Variants in DNAH5 observed in about 807,000 individuals in gnomAD.
The protein encoded by DNAH5 is dynein axonemal heavy chain 5.
DNAH5 carries 372 observed loss-of-function variants against 518.2 expected under a neutral mutation model. That is an observed-to-expected ratio of 0.72 (90% confidence interval 0.66 to 0.78). The LOEUF is 0.78. DNAH5 is among the 30% of genes least tolerant of loss of function. The pLI is 0.00. For synonymous variants in DNAH5, 2,039 were observed against 2,025.9 expected (o/e 1.01, Z -0.17); for missense variants, 5,523 against 5,687.0 (o/e 0.97, Z 0.93).
intron 31 of DNAH5, among the ~76,000 whole-genome samples, chr5:13,845,800 T>A (rs1765909157): frequency 6.6e-6 from 1 of 151,588 alleles, no homozygotes; most frequent in South Asian, 2.1e-4. Flanking sequence ...CCCTTATCAT[T>A]TGTATTAGTA....
intron 1 of DNAH5, among the ~76,000 whole-genome samples, chr5:13,965,378 G>A (rs111267394): frequency 0.014 from 2,071 of 152,100 alleles, 43 homozygotes; most frequent in African/African-American, 0.048. Context: ...TTATTTACAT[G>A]TCATAATGCA....
At chr5:13,931,018 T>C (rs1778360842) in intron 2 of DNAH5, 92 bp downstream of exon 2, 2 of 1,598,722 alleles carry the variant, frequency 1.3e-6, no homozygotes, top group South Asian at 1.1e-5. Flanking sequence ...CACCTCCCTC[T>C]GGGCACAGCA....
chr5:13,858,846 G>A (rs2591559), intron 30 of DNAH5, among the ~76,000 whole-genome samples: 9,339 of 152,082 alleles, frequency 0.061, 291 homozygotes, highest in African/African-American at 0.078. Context: ...TCTTGCATAC[G>A]ACTTAAGGTA....
At chr5:13,899,487 A>C (rs1335194264) in intron 15 of DNAH5, 1 of 152,332 alleles carries the variant, frequency 6.6e-6, no homozygotes, top group Non-Finnish European at 1.5e-5. Flanking sequence ...TGAACTCCAG[A>C]CTTAAGTATC....
Position 13,925,214 on chromosome 5 carries a change from G to A in DNAH5, c.278-1774C>T, listed in dbSNP as rs1371599095. 3.9e-5 allele frequency among the ~76,000 whole-genome samples: 6 copies of A among 152,068 alleles called. No individual in the cohort carries two copies. The East Asian group carries it at 9.6e-4, about 24-fold the overall frequency. On this transcript the variant is annotated intron_variant, in intron 3 of 78. Coordinates refer to ENST00000265104, the MANE Select transcript of DNAH5 (RefSeq NM_001369.3). ...ACCTGGGTCTCATGAGTAATAAGAT[G>A]TTAGGCAACAAGTTTCAACCAAGGC...
chr5:13,849,914 C>G (rs925009589), intron 31 of DNAH5, among the ~76,000 whole-genome samples: 1 of 152,144 alleles, frequency 6.6e-6, no homozygotes, highest in African/African-American at 2.4e-5. Context: ...ATGAGGGCAG[C>G]CTGGCTTAGA....
chr5:13,721,551 C>T (rs1745064008), intron 70 of DNAH5, among the ~76,000 whole-genome samples: 1 of 152,084 alleles, frequency 6.6e-6, no homozygotes, highest in African/African-American at 2.4e-5. Context: ...AATAAAAATA[C>T]TGGGAAACTA....
intron 64 of DNAH5, 56 bp from the exon 65 acceptor site, chr5:13,751,316 C>CT (rs1561172804): frequency 7.0e-7 from 1 of 1,434,754 alleles, no homozygotes; most frequent in Non-Finnish European, 9.6e-7. Context: ...CTTACTGTGT[C>CT]TTTTTTGTAT....
intron 35 of DNAH5, among the ~76,000 whole-genome samples, chr5:13,838,063 C>T (rs1764651256): frequency 6.6e-6 from 1 of 152,006 alleles, no homozygotes; most frequent in African/African-American, 2.4e-5. Context: ...TATTGTGGGG[C>T]ACAATGTGAT....
chr5:13,910,867 A>C (rs1775897133), intron 12 of DNAH5, among the ~76,000 whole-genome samples: 2 of 152,202 alleles, frequency 1.3e-5, no homozygotes. Context: ...TGTGAGCTGC[A>C]AGGCAAGATG....
At chr5:13,853,177 G>A (rs1364886981) in intron 30 of DNAH5, among the ~76,000 whole-genome samples, 1 of 152,202 alleles carries the variant, frequency 6.6e-6, no homozygotes, top group Non-Finnish European at 1.5e-5. Flanking sequence ...GGAAGGAGCA[G>A]GCAGCAATCT....
In DNAH5 at chr5:13,846,964, G is replaced by C. The variant is rs1766091360; in HGVS notation, c.5115-1971C>G. On this transcript the variant is annotated intron_variant, in intron 31 of 78. Transcript: ENST00000265104. Reference sequence around the variant, plus strand: ...TCCCAATCCTTATTTGAATAACTGTGATGTGTTTGTTATCCTCCTTACAGT... The same window carrying C: ...TCCCAATCCTTATTTGAATAACTGTCATGTGTTTGTTATCCTCCTTACAGT... Among the ~76,000 whole-genome samples, 5 of 152,160 alleles carry C rather than the reference G, an allele frequency of 3.3e-5. No homozygotes were observed. The South Asian group carries it at 1.0e-3, about 32-fold the overall frequency.
At chr5:13,703,135 G>A (rs769459374) in intron 76 of DNAH5, among the ~76,000 whole-genome samples, 7 of 151,926 alleles carry the variant, frequency 4.6e-5, no homozygotes, top group African/African-American at 7.3e-5. Context: ...TCTCTTAACT[G>A]AAGTCTGCCC....
chr5:13,982,416 ATGAG>A (rs1207679326), intron 1 of DNAH5, among the ~76,000 whole-genome samples: 50 of 151,824 alleles, frequency 3.3e-4, no homozygotes, highest in South Asian at 6.2e-4. Context: ...GCACTATTGC[ATGAG>A]TGAGTAGACA....
chr5:13,919,043 G>T, intron 7 of DNAH5, 133 bp downstream of exon 7: 1 of 1,121,528 alleles, frequency 8.9e-7, no homozygotes, highest in Non-Finnish European at 1.3e-6. Flanking sequence ...TGTGAGGGAA[G>T]TATTATGTAA....
intron 1 of DNAH5, among the ~76,000 whole-genome samples, chr5:13,940,112 T>C (rs924027391): frequency 9.9e-5 from 15 of 152,168 alleles, no homozygotes; most frequent in Non-Finnish European, 1.9e-4. Context: ...GCATTTACGA[T>C]GTGTGAATTT....
intron 38 of DNAH5, among the ~76,000 whole-genome samples, chr5:13,827,207 T>C (rs1244347243): frequency 1.3e-5 from 2 of 152,182 alleles, no homozygotes; most frequent in Admixed American, 1.3e-4. Context: ...TGAAACTTTG[T>C]GCCCAATGAT....
In DNAH5 at chr5:13,770,804, C is replaced by A. The variant is rs767969790; in HGVS notation, c.9550G>T (p.Gly3184Cys). 1.2e-6 allele frequency: 2 copies of A among 1,613,986 alleles called. No homozygotes were observed. The highest frequency in any genetic ancestry group is 1.7e-6 in the Non-Finnish European group (2 of 1,179,972). The change falls in exon 56 of 79, where the codon GGC becomes TGC. Residue 3184 changes from glycine to cysteine, a missense_variant. By Grantham distance (159) the Gly-to-Cys change is radical (BLOSUM62 -3). Transcript: ENST00000265104. ...TTTTCTCCATATATGAACTTATAGC[C>A]CTGAATAAAGGAGAGGTATGATTTG... ...TPKSYLSFIQGYKFIYGEKHV... is the reference protein window; with the variant it reads ...TPKSYLSFIQCYKFIYGEKHV...
chr5:13,877,630 A>G (rs2151930518), intron 21 of DNAH5, among the ~76,000 whole-genome samples: 1 of 152,330 alleles, frequency 6.6e-6, no homozygotes, highest in South Asian at 2.1e-4. Flanking sequence ...TCCGCATCAA[A>G]GGGCAGGAAA....
Sources: allele counts gnomAD v4.1 joint callset (sites outside exome capture counted in the v4.1 genomes callset), GRCh38; gene constraint gnomAD v4.1.1; transcripts MANE v1.5; gene names NCBI Gene and HGNC (gene_info 2026-07-23, HGNC 2026-07-21).